The following CACNA2D3 variants were observed in gnomAD, a reference collection of about 807,000 sequenced individuals.
The protein encoded by CACNA2D3 is calcium voltage-gated channel auxiliary subunit alpha2delta 3.
In CACNA2D3, 60 loss-of-function variants were observed where a neutral mutation model predicts 160.6. The observed-to-expected ratio is 0.37, with a 90% CI of 0.30 to 0.46. The LOEUF is 0.46. Among genes scored for constraint, CACNA2D3 ranks in the 20% least tolerant of loss-of-function variants. The pLI is 1.00. For missense variants in CACNA2D3, 1,205 were observed against 1,365.0 expected (o/e 0.88, Z 1.85); for synonymous variants, 558 against 492.9 (o/e 1.13, Z -1.75).
intron 29 of CACNA2D3, among the ~76,000 whole-genome samples, chr3:54,975,036 C>A (rs145131987): frequency 6.6e-6 from 1 of 152,292 alleles, no homozygotes; most frequent in South Asian, 2.1e-4. Flanking sequence ...CTAGCTAATT[C>A]TGTCCTAATT....
At chr3:54,771,020 A>G (rs1702310930) in intron 13 of CACNA2D3, among the ~76,000 whole-genome samples, 2 of 152,092 alleles carry the variant, frequency 1.3e-5, no homozygotes, top group African/African-American at 2.4e-5. Flanking sequence ...CCTTCTTTCT[A>G]TAGGGTAATT....
rs551590508 is a variant in CACNA2D3, at chr3:54,625,464, G to A, written c.964-2323G>A. 1.1e-4 allele frequency among the ~76,000 whole-genome samples: 16 copies of A among 152,264 alleles called. No individual in the cohort carries two copies. In the South Asian group the frequency reaches 3.3e-3, roughly 32 times the overall value. ...AAAGTGGGATGATGGAACCTCACAT[G>A]ATTGTCATGAAGACTCAGTTGCACT... On this transcript the variant is annotated intron_variant, in intron 9 of 37. Transcript: ENST00000474759.
At chr3:54,711,194 G>C (rs1700945913) in intron 11 of CACNA2D3, among the ~76,000 whole-genome samples, 2 of 152,178 alleles carry the variant, frequency 1.3e-5, no homozygotes, top group East Asian at 3.9e-4. Flanking sequence ...AAAAAGGAGA[G>C]TAATAGCCAC....
At chr3:54,994,158 G>A (rs757679168) in intron 31 of CACNA2D3, among the ~76,000 whole-genome samples, 12 of 152,094 alleles carry the variant, frequency 7.9e-5, no homozygotes, top group Non-Finnish European at 1.5e-4. Context: ...CATCCAGGTA[G>A]AATCCAAGAT....
intron 5 of CACNA2D3, among the ~76,000 whole-genome samples, chr3:54,534,476 A>G (rs548086361): frequency 3.3e-5 from 5 of 152,176 alleles, no homozygotes; most frequent in African/African-American, 9.6e-5. Flanking sequence ...TCATCAGCAC[A>G]TGGTGGTCTT....
chr3:54,201,115 A>G (rs1224830669), intron 2 of CACNA2D3, among the ~76,000 whole-genome samples: 1 of 152,216 alleles, frequency 6.6e-6, no homozygotes, highest in Non-Finnish European at 1.5e-5. Context: ...AGTACAGCAA[A>G]ACGAATGTGA....
intron 11 of CACNA2D3, among the ~76,000 whole-genome samples, chr3:54,675,190 G>A (rs1700218466): frequency 6.6e-6 from 1 of 152,184 alleles, no homozygotes; most frequent in East Asian, 1.9e-4. Flanking sequence ...CAGGGTTTGG[G>A]AGACAGGGCC....
chr3:54,644,473 A>G (rs1329781877), intron 11 of CACNA2D3, among the ~76,000 whole-genome samples: 1 of 152,226 alleles, frequency 6.6e-6, no homozygotes, highest in Non-Finnish European at 1.5e-5. Context: ...CAACTCGCAT[A>G]AAAACCGAAT....
At chr3:54,713,116 C>A (rs931544651) in intron 11 of CACNA2D3, among the ~76,000 whole-genome samples, 1 of 152,114 alleles carries the variant, frequency 6.6e-6, no homozygotes, top group Non-Finnish European at 1.5e-5. Context: ...AGTAATTGTT[C>A]TTTGTGACCC....
chr3:54,325,303 G>C (rs1704099785), intron 3 of CACNA2D3, among the ~76,000 whole-genome samples: 1 of 152,198 alleles, frequency 6.6e-6, no homozygotes, highest in African/African-American at 2.4e-5. Flanking sequence ...TAATTTTGGT[G>C]CGGTACATAT....
At position 54,425,057 on chromosome 3, in the gene CACNA2D3, C is replaced by T. The variant is rs772703077; in HGVS notation, c.381+38283C>T. On this transcript the variant is annotated intron_variant, in intron 4 of 37. Transcript: ENST00000474759. ...TTTAGAAGTCAGAAAGAGCTGGGCG[C>T]GGTGGCTCACGCCTGTAATCCCAGA... Among the ~76,000 whole-genome samples the T allele has an allele frequency of 3.1e-4, 47 of 152,208 alleles. 1 individual carries two copies. Among genetic ancestry groups the T allele is most frequent in the Admixed American group, 1.4e-3 (21 of 15,286 alleles).
At chr3:54,494,963 C>G (rs922039595) in intron 4 of CACNA2D3, among the ~76,000 whole-genome samples, 1 of 152,206 alleles carries the variant, frequency 6.6e-6, no homozygotes, top group Admixed American at 6.5e-5. Context: ...CATCAGGTCC[C>G]TCCCTCGACA....
chr3:54,327,816 G>A (rs768256375), intron 3 of CACNA2D3, among the ~76,000 whole-genome samples: 1 of 152,120 alleles, frequency 6.6e-6, no homozygotes, highest in Non-Finnish European at 1.5e-5. Flanking sequence ...GTTTGTGCAT[G>A]AGTATATAGA....
intron 4 of CACNA2D3, among the ~76,000 whole-genome samples, chr3:54,431,636 A>T (rs1699992228): frequency 6.6e-6 from 1 of 152,106 alleles, no homozygotes; most frequent in Non-Finnish European, 1.5e-5. Flanking sequence ...TTTATTTTAG[A>T]CAGTCTCGCT....
intron 8 of CACNA2D3, among the ~76,000 whole-genome samples, chr3:54,579,848 T>C (rs1702644895): frequency 6.6e-6 from 1 of 152,246 alleles, no homozygotes; most frequent in African/African-American, 2.4e-5. Context: ...CAGTGGCTAA[T>C]GTCATAAATA....
chr3:54,721,274 A>C (rs2106987957), intron 11 of CACNA2D3, among the ~76,000 whole-genome samples: 1 of 152,368 alleles, frequency 6.6e-6, no homozygotes, highest in Middle Eastern at 3.4e-3. Flanking sequence ...GAAATATTTA[A>C]TTAGAGTGAC....
At chr3:54,587,311 C>G (rs1406967395) in intron 9 of CACNA2D3, among the ~76,000 whole-genome samples, 2 of 152,120 alleles carry the variant, frequency 1.3e-5, no homozygotes, top group East Asian at 3.9e-4. Context: ...AATCCCAGCA[C>G]TTTGGGAGGC....
intron 4 of CACNA2D3, among the ~76,000 whole-genome samples, chr3:54,463,314 T>C (rs914344296): frequency 3.3e-5 from 5 of 152,210 alleles, no homozygotes; most frequent in African/African-American, 4.8e-5. Flanking sequence ...TGAATCTGAA[T>C]GTTGGCTTGC....
At chr3:54,572,730 A>T (rs964322291) in intron 8 of CACNA2D3, among the ~76,000 whole-genome samples, 1 of 152,230 alleles carries the variant, frequency 6.6e-6, no homozygotes, top group African/African-American at 2.4e-5. Context: ...CCTAGTGGTG[A>T]GAATGCAAGT....
Sources: gnomAD v4.1 joint callset for allele counts (sites outside exome capture counted in the v4.1 genomes callset) on GRCh38, gnomAD v4.1.1 for gene constraint, MANE v1.5 for transcripts, NCBI Gene and HGNC (gene_info 2026-07-23, HGNC 2026-07-21) for gene names.